The following CSMD3 variants were observed in gnomAD, a reference collection of about 807,000 sequenced individuals.
CSMD3 encodes CUB and sushi domain-containing protein 3.
CSMD3 carries 177 observed loss-of-function variants against 435.2 expected under a neutral mutation model. The ratio of observed to expected loss-of-function variants is 0.41; its 90% CI spans 0.36 to 0.46. The LOEUF (loss-of-function observed/expected upper bound fraction) is 0.46. Among genes scored for constraint, CSMD3 ranks in the 20% least tolerant of loss-of-function variants. The probability of loss-of-function intolerance (pLI) is 0.34; values close to 1 mark genes in which losing one functional copy is unlikely to be tolerated. For synonymous variants in CSMD3, 1,656 were observed against 1,520.5 expected, an observed-to-expected ratio of 1.09 and a Z score of -2.07; for missense variants, 4,265 against 4,504.6, an observed-to-expected ratio of 0.95 and a Z score of 1.52.
At chr8:112,594,065 G>A (rs1186965586) in intron 22 of CSMD3, among the ~76,000 whole-genome samples, 5 of 152,170 alleles carry the variant, frequency 3.3e-5, no homozygotes, top group African/African-American at 4.8e-5. Flanking sequence ...CAGTGTGAGC[G>A]ACGCAGAACA....
chr8:113,436,882 C>T lies in CSMD3; in HGVS notation c.-28G>A, dbSNP rs1286812201. 1.9e-6 allele frequency: 3 copies of T among 1,612,874 alleles called. No homozygotes were observed. Among genetic ancestry groups the T allele is most frequent in the Non-Finnish European group, 2.5e-6 (3 of 1,179,884 alleles). On this transcript the variant is annotated 5_prime_UTR_variant, in exon 1 of 71. Coordinates refer to ENST00000297405, the MANE Select transcript of CSMD3 (RefSeq NM_198123.2). ...TATTCGCGAGCTCCTAATTCCTGCT[C>T]CTCAGCCCGGCGCAGTGGAGTTGTT...
intron 7 of CSMD3, among the ~76,000 whole-genome samples, chr8:112,969,496 A>T (rs1290495493): frequency 6.6e-6 from 1 of 152,036 alleles, no homozygotes; most frequent in Non-Finnish European, 1.5e-5. Context: ...AACCAAAGTA[A>T]TATCCTACTG....
At chr8:112,965,469 A>G (rs2084383422) in intron 7 of CSMD3, among the ~76,000 whole-genome samples, 1 of 151,958 alleles carries the variant, frequency 6.6e-6, no homozygotes, top group African/African-American at 2.4e-5. Context: ...AAGTGGCTGA[A>G]AATCTGAAAA....
chr8:112,765,103 T>C (rs1411570925), intron 13 of CSMD3, among the ~76,000 whole-genome samples: 2 of 151,486 alleles, frequency 1.3e-5, no homozygotes, highest in African/African-American at 4.8e-5. Flanking sequence ...ATAAAGATAT[T>C]AGATTTTACA....
chr8:112,959,885 T>C (rs917469270), intron 7 of CSMD3, among the ~76,000 whole-genome samples: 9 of 151,924 alleles, frequency 5.9e-5, no homozygotes, highest in East Asian at 1.9e-4. Flanking sequence ...GTGTTATTTT[T>C]GGCATTTTGC....
chr8:112,313,346 C>T (rs2353271), intron 49 of CSMD3, among the ~76,000 whole-genome samples: 30,573 of 151,916 alleles, frequency 0.2, 3,658 homozygotes, highest in East Asian at 0.37. Context: ...CTCTCTCTTT[C>T]GACATTTAAG....
intron 1 of CSMD3, among the ~76,000 whole-genome samples, chr8:113,427,378 C>T (rs949714894): frequency 4.0e-5 from 6 of 150,874 alleles, no homozygotes; most frequent in African/African-American, 7.3e-5. Context: ...TCTGTGTCTC[C>T]TTACACAATT....
At chr8:113,393,250 C>T (rs984225037) in intron 1 of CSMD3, among the ~76,000 whole-genome samples, 3 of 151,768 alleles carry the variant, frequency 2.0e-5, no homozygotes, top group African/African-American at 7.3e-5. Context: ...TTTTTGGCAA[C>T]CAACATTTTG....
In CSMD3 at chr8:112,685,622, C is replaced by T. The variant is rs1563851059; in HGVS notation, c.2266G>A (p.Gly756Arg). 6.2e-7 allele frequency: 1 copy of T among 1,613,892 alleles called. No individual in the cohort carries two copies. The highest frequency in any genetic ancestry group is 1.1e-5 in the South Asian group (1 of 91,072). ...NCIWTIISDP[G>R]SRIHLSFNDF... ...TTGAAAGAAAGATGTATCCGGCTCCCTGGATCAGAGATTATCGTCCAGATG... is the reference window on the plus strand; with the variant it reads ...TTGAAAGAAAGATGTATCCGGCTCCTTGGATCAGAGATTATCGTCCAGATG... Residue 756 changes from glycine (G) to arginine (R), a missense_variant, in exon 15 of 71, where the codon GGG (glycine) becomes AGG (arginine). Transcript: ENST00000297405.
chr8:112,293,666 C>T (rs1369911523), intron 54 of CSMD3, among the ~76,000 whole-genome samples: 2 of 151,826 alleles, frequency 1.3e-5, no homozygotes, highest in Non-Finnish European at 2.9e-5. Flanking sequence ...TGCTGTGTCC[C>T]ACTATAAATT....
At chr8:112,973,667 CT>C (rs1419341388) in intron 7 of CSMD3, among the ~76,000 whole-genome samples, 12 of 151,626 alleles carry the variant, frequency 7.9e-5, no homozygotes, top group Non-Finnish European at 1.5e-4. Flanking sequence ...AAGAGCATAG[CT>C]ATATTTTGAG....
intron 3 of CSMD3, among the ~76,000 whole-genome samples, chr8:113,185,560 CCT>C (rs756253745): frequency 2.6e-4 from 40 of 152,138 alleles, no homozygotes; most frequent in Admixed American, 1.2e-3. Flanking sequence ...TTCATCTCCC[CCT>C]GTTTTAGACA....
intron 13 of CSMD3, among the ~76,000 whole-genome samples, chr8:112,780,543 T>C (rs1297335696): frequency 6.6e-6 from 1 of 151,962 alleles, no homozygotes; most frequent in Non-Finnish European, 1.5e-5. Context: ...GCTTTTAATA[T>C]CATGTCAAGG....
chr8:112,981,195 A>G (rs747468706), intron 6 of CSMD3, among the ~76,000 whole-genome samples: 14 of 151,400 alleles, frequency 9.2e-5, no homozygotes, highest in Non-Finnish European at 1.8e-4. Flanking sequence ...TATAAGAGGC[A>G]TATCTAAGAA....
chr8:112,442,118 A>G (rs1389813445), intron 32 of CSMD3, among the ~76,000 whole-genome samples: 2 of 152,220 alleles, frequency 1.3e-5, no homozygotes, highest in African/African-American at 4.8e-5. Flanking sequence ...TAGGTATGCC[A>G]CATGGCAAGA....
chr8:112,254,124 C>A, intron 63 of CSMD3, 129 bp downstream of exon 63: 3 of 778,336 alleles, frequency 3.9e-6, no homozygotes, highest in East Asian at 2.6e-5. Context: ...CTGTCTGTTA[C>A]CCTTTTTATG....
At chr8:113,192,709 T>C (rs928414135) in intron 3 of CSMD3, among the ~76,000 whole-genome samples, 4 of 151,594 alleles carry the variant, frequency 2.6e-5, no homozygotes, top group South Asian at 2.1e-4. Flanking sequence ...CTTATTTCTA[T>C]AGAAAATCAT....
chr8:112,306,124 T>C lies in CSMD3; in HGVS notation c.7954A>G (p.Thr2652Ala), dbSNP rs2130787759. 6.2e-7 allele frequency: 1 copy of C among 1,613,440 alleles called. No homozygotes were observed. The highest frequency in any genetic ancestry group is 8.5e-7 in the Non-Finnish European group (1 of 1,179,492). Residue 2652 changes from threonine (T) to alanine (A), a missense_variant, in exon 51 of 71, where the codon ACG (threonine) becomes GCG (alanine). Thr to Ala is a moderately conservative substitution (Grantham distance 58, BLOSUM62 0). This residue lies in a region of CSMD3 where 3,255 missense variants were observed against 3,380.2 expected (regional missense o/e 0.96). Coordinates refer to ENST00000297405, the MANE Select transcript of CSMD3 (RefSeq NM_198123.2). ...GILTTDYLVG[T>A]RVTYFCNDGY... is the part of the protein sequence containing the mutation. Reference sequence around the variant, plus strand: ...TCATTACAAAAATAGGTAACTCGCGTTCCTACCAAATAGTCTGTTGTTAGT... The same window carrying C: ...TCATTACAAAAATAGGTAACTCGCGCTCCTACCAAATAGTCTGTTGTTAGT...
At chr8:112,378,772 T>C (rs1829193928) in intron 38 of CSMD3, among the ~76,000 whole-genome samples, 1 of 152,156 alleles carries the variant, frequency 6.6e-6, no homozygotes, top group African/African-American at 2.4e-5. Flanking sequence ...TAATTTATTG[T>C]ATACTTTAAA....
Sources: allele counts gnomAD v4.1 joint callset (sites outside exome capture counted in the v4.1 genomes callset), GRCh38; gene constraint gnomAD v4.1.1; regional missense constraint gnomAD v4.1.1; transcripts MANE v1.5; gene names NCBI Gene and HGNC (gene_info 2026-07-23, HGNC 2026-07-21).